Variants in RASSF3 observed in about 807,000 individuals in gnomAD.
RASSF3 encodes the protein Ras association domain family member 3, also known as ras association domain-containing protein 3.
A neutral mutation model predicts 19.9 loss-of-function variants in RASSF3; 19 were observed. The observed-to-expected ratio is 0.96, with a 90% CI of 0.67 to 1.40. The LOEUF (loss-of-function observed/expected upper bound fraction) is 1.40, where lower values mean the gene tolerates loss of function less well. Ranked by LOEUF, RASSF3 falls within the 40% of genes most tolerant of loss-of-function variation. The pLI, the probability that RASSF3 is intolerant of heterozygous loss-of-function variation, is 0.00. For synonymous variants in RASSF3, 110 were observed against 104.2 expected (o/e 1.06, Z -0.34); for missense variants, 306 against 289.8 (o/e 1.06, Z -0.41).
intron 1 of RASSF3, among the ~76,000 whole-genome samples, chr12:64,539,293 C>T (rs575527288): frequency 6.6e-6 from 1 of 152,044 alleles, no homozygotes; most frequent in African/African-American, 2.4e-5. Context: ...ATAAAGCCAC[C>T]GGTCTCATCA....
chr12:64,610,764 G>A (rs751482924), intron 1 of RASSF3, 21 bp downstream of exon 1: 8 of 1,518,462 alleles, frequency 5.3e-6, no homozygotes, highest in East Asian at 2.5e-5. Context: ...CGCGGCGGGC[G>A]CTGCAGCCCG....
At chr12:64,632,243 G>A (rs1464908746) in intron 1 of RASSF3, among the ~76,000 whole-genome samples, 1 of 152,118 alleles carries the variant, frequency 6.6e-6, no homozygotes, top group Non-Finnish European at 1.5e-5. Flanking sequence ...TATGGCTGCA[G>A]CAAAGGTTGC....
At chr12:64,691,731 G>GTGATGGGAAGGGA (rs1401082589) in intron 4 of RASSF3, 152 bp downstream of exon 4, 1 of 582,706 alleles carries the variant, frequency 1.7e-6, no homozygotes. Context: ...GGAGGGCAGG[G>GTGATGGGAAGGGA]AGAGGGAGAG....
chr12:64,672,810 G>C (rs1872743872), intron 1 of RASSF3, among the ~76,000 whole-genome samples: 1 of 152,180 alleles, frequency 6.6e-6, no homozygotes, highest in Non-Finnish European at 1.5e-5. Flanking sequence ...AACCACTATG[G>C]CTAGCCTGGT....
At chr12:64,632,752 A>C (rs1871208841) in intron 1 of RASSF3, among the ~76,000 whole-genome samples, 1 of 152,168 alleles carries the variant, frequency 6.6e-6, no homozygotes, top group Non-Finnish European at 1.5e-5. Flanking sequence ...AGCTGCAGCC[A>C]GAATTAAGGG....
At chr12:64,621,320 C>T (rs1192945045) in intron 1 of RASSF3, among the ~76,000 whole-genome samples, 3 of 152,164 alleles carry the variant, frequency 2.0e-5, no homozygotes, top group East Asian at 3.8e-4. Context: ...CATGCATGAC[C>T]TTTGCCCATT....
At chr12:64,582,817 T>C (rs1171380982) in intron 2 of RASSF3, among the ~76,000 whole-genome samples, 1 of 152,192 alleles carries the variant, frequency 6.6e-6, no homozygotes, top group African/African-American at 2.4e-5. Context: ...ACACTGAAGG[T>C]TGAGCTAGCC....
rs1314060228 is a variant in RASSF3, at chr12:64,514,744, T to C, written c.169+7415T>C. ...CTGATGTTTATTTCAATTAGCAAAG[T>C]TTCTCATAGTGCATGGCTTTAGGGA... On this transcript the variant is annotated intron_variant, in intron 1 of 5. Transcript: ENST00000637125. 2.6e-5 allele frequency among the ~76,000 whole-genome samples: 4 copies of C among 152,240 alleles called. No homozygotes were observed. The East Asian group carries it at 5.8e-4, about 22-fold the overall frequency.
Position 64,694,921 on chromosome 12 carries a change from T to C in RASSF3, c.*9T>C. ...TGTGGAAGCCTGATTAAAGCGGGGCTCCCTGCCCGTGAGGCCCGGTGCAGG... is the reference window on the plus strand; with the variant it reads ...TGTGGAAGCCTGATTAAAGCGGGGCCCCCTGCCCGTGAGGCCCGGTGCAGG... On this transcript the variant is annotated 3_prime_UTR_variant, in exon 5 of 5. Coordinates refer to ENST00000542104, the MANE Select transcript of RASSF3 (RefSeq NM_178169.4). 1 of 1,613,270 alleles carries C rather than the reference T, an allele frequency of 6.2e-7. No homozygotes were observed. The highest frequency in any genetic ancestry group is 8.5e-7 in the Non-Finnish European group (1 of 1,179,818).
chr12:64,558,446 G>A (rs989462786), intron 2 of RASSF3, among the ~76,000 whole-genome samples: 5 of 152,152 alleles, frequency 3.3e-5, no homozygotes, highest in African/African-American at 1.2e-4. Flanking sequence ...CCAGCCACAT[G>A]CCTCTATTCC....
intron 1 of RASSF3, among the ~76,000 whole-genome samples, chr12:64,668,553 G>T (rs1006163100): frequency 6.6e-6 from 1 of 152,122 alleles, no homozygotes; most frequent in African/African-American, 2.4e-5. Flanking sequence ...GATTACAGGT[G>T]TGAGCCACCA....
intron 2 of RASSF3, among the ~76,000 whole-genome samples, chr12:64,685,411 AT>A: frequency 1.3e-5 from 2 of 152,064 alleles, no homozygotes; most frequent in South Asian, 4.2e-4. Context: ...TGCCCAGCTA[AT>A]TTTTGTATTT....
chr12:64,635,673 G>C (rs1033004950), intron 1 of RASSF3, among the ~76,000 whole-genome samples: 1 of 152,208 alleles, frequency 6.6e-6, no homozygotes, highest in African/African-American at 2.4e-5. Context: ...GGGTGGTCTG[G>C]TGTGAGAGCA....
upstream of RASSF3, among the ~76,000 whole-genome samples, chr12:64,533,086 A>G (rs1868748421): frequency 6.6e-6 from 1 of 152,214 alleles, no homozygotes; most frequent in African/African-American, 2.4e-5. Flanking sequence ...CCCTGTGAGC[A>G]GAGCTGCTGA....
rs554901701 is a variant in RASSF3, at chr12:64,633,694, G to A, written c.111+22951G>A. Among the ~76,000 whole-genome samples the A allele has an allele frequency of 3.9e-5, 6 of 152,248 alleles. No homozygotes were observed. The East Asian group carries it at 7.7e-4, about 20-fold the overall frequency. ...AAATTGGTACCAGGAGAGGGGCATC[G>A]CAATAAAGATACCTGAAAATGTGGA... On this transcript the variant is annotated intron_variant, in intron 1 of 4. Coordinates refer to ENST00000542104, the MANE Select transcript of RASSF3 (RefSeq NM_178169.4).
intron 2 of RASSF3, among the ~76,000 whole-genome samples, chr12:64,587,162 CT>C (rs1869827035): frequency 7.1e-6 from 1 of 139,864 alleles, no homozygotes; most frequent in African/African-American, 2.7e-5. Flanking sequence ...TCAAGCGATT[CT>C]CCTGTCTCAG....
intron 4 of RASSF3, among the ~76,000 whole-genome samples, chr12:64,693,627 CA>C (rs1868316204): frequency 6.6e-6 from 1 of 152,104 alleles, no homozygotes; most frequent in South Asian, 2.1e-4. Context: ...CTATTTTGCC[CA>C]GGCTGGTCTC....
chr12:64,613,291 T>C (rs1020210142), intron 1 of RASSF3, among the ~76,000 whole-genome samples: 4 of 152,116 alleles, frequency 2.6e-5, no homozygotes, highest in Non-Finnish European at 4.4e-5. Flanking sequence ...ATTTATCCTT[T>C]CTCTAGAGAG....
In RASSF3 at chr12:64,624,074, T is replaced by C. The variant is rs538978677; in HGVS notation, c.111+13331T>C. On this transcript the variant is annotated intron_variant, in intron 1 of 4. Coordinates refer to ENST00000542104, the MANE Select transcript of RASSF3 (RefSeq NM_178169.4). ...GTTTGATCCTTGGCTGTCATGTTGATGGTCTCTGTATCCAAATTAGTATTT... is the reference window on the plus strand; with the variant it reads ...GTTTGATCCTTGGCTGTCATGTTGACGGTCTCTGTATCCAAATTAGTATTT... Among the ~76,000 whole-genome samples the C allele has an allele frequency of 1.1e-4, 17 of 152,116 alleles. No homozygotes were observed. The East Asian group carries it at 3.3e-3, about 29-fold the overall frequency.
Sources: allele counts gnomAD v4.1 joint callset (sites outside exome capture counted in the v4.1 genomes callset), GRCh38; gene constraint gnomAD v4.1.1; transcripts MANE v1.5; gene names NCBI Gene and HGNC (gene_info 2026-07-23, HGNC 2026-07-21).